DHX36: variants seen among roughly 807,000 people sequenced by gnomAD.
DHX36 encodes DEAH-box helicase 36.
Under a neutral mutation model 139.0 loss-of-function variants are expected in DHX36, and 50 were observed. That is an observed-to-expected ratio of 0.36 (90% CI 0.29 to 0.46). The LOEUF (loss-of-function observed/expected upper bound fraction) is 0.46. DHX36 is among the 20% of genes least tolerant of loss of function. DHX36 has a pLI of 1.00. For synonymous variants in DHX36, 425 were observed against 401.9 expected, an observed-to-expected ratio of 1.06 and a Z score of -0.69; for missense variants, 1,024 against 1,211.3, an observed-to-expected ratio of 0.85 and a Z score of 2.29.
chr3:154,306,184 C>T (rs1712494461), intron 6 of DHX36, 32 bp downstream of exon 6: 1 of 1,483,390 alleles, frequency 6.7e-7, no homozygotes, highest in East Asian at 2.3e-5. Flanking sequence ...TCACTAAAAT[C>T]TGCCTGTATA....
intron 5 of DHX36, 95 bp downstream of exon 5, chr3:154,309,558 C>A: frequency 9.0e-7 from 1 of 1,115,058 alleles, no homozygotes; most frequent in Non-Finnish European, 1.2e-6. Flanking sequence ...CAATCCTAAG[C>A]CTAATTAAGA....
chr3:154,323,747 T>C (rs1713288751), intron 1 of DHX36, among the ~76,000 whole-genome samples: 1 of 152,230 alleles, frequency 6.6e-6, no homozygotes, highest in Non-Finnish European at 1.5e-5. Flanking sequence ...CTGCCTGCTT[T>C]TGTTCCGCGC....
chr3:154,292,623 T>C lies in DHX36; in HGVS notation c.1742A>G (p.Asn581Ser). 3 of 1,614,052 alleles carry C rather than the reference T, an allele frequency of 1.9e-6. No homozygotes were observed. Among genetic ancestry groups the C allele is most frequent in the Non-Finnish European group, 2.5e-6 (3 of 1,179,998 alleles). Reference sequence around the variant, plus strand: ...CTCAGCGGACATTGTACTGATATTGTTCTGAGTATCAAAATGCGTCTCTTT... The same window carrying C: ...CTCAGCGGACATTGTACTGATATTGCTCTGAGTATCAAAATGCGTCTCTTT... ...KIKETHFDTQNNISTMSAEWV... is the reference protein window; with the variant it reads ...KIKETHFDTQSNISTMSAEWV... The change falls in exon 15 of 25, where the codon AAC becomes AGC. Residue 581 changes from asparagine to serine, a missense_variant. By Grantham distance (46) the Asn-to-Ser change is conservative. Around this residue, in one of 4 missense-constraint regions of DHX36, gnomAD observed 470 missense variants for 616.2 expected, o/e 0.76. Transcript: ENST00000496811.
chr3:154,296,282 G>A (rs1459962887), intron 12 of DHX36, among the ~76,000 whole-genome samples: 2 of 152,196 alleles, frequency 1.3e-5, no homozygotes, highest in African/African-American at 4.8e-5. Flanking sequence ...AGACCATCCT[G>A]GCTAACACGG....
At chr3:154,304,679 GA>G in intron 8 of DHX36, 126 bp downstream of exon 8, 2 of 719,600 alleles carry the variant, frequency 2.8e-6, no homozygotes, top group Non-Finnish European at 4.2e-6. Context: ...CTGGAGGGTA[GA>G]ATAATATTAA....
chr3:154,318,302 T>C (rs978998279), intron 1 of DHX36, among the ~76,000 whole-genome samples: 1 of 152,156 alleles, frequency 6.6e-6, no homozygotes, highest in Non-Finnish European at 1.5e-5. Context: ...AAAATGTCTC[T>C]ACTAAAAGTC....
intron 5 of DHX36, among the ~76,000 whole-genome samples, chr3:154,307,937 A>G (rs1028513740): frequency 1.1e-4 from 17 of 152,164 alleles, no homozygotes; most frequent in African/African-American, 4.1e-4. Flanking sequence ...ATGGAATACT[A>G]TTTAGCTGTA....
rs1178219699 is a variant in DHX36 at position 154,276,092 on chromosome 3, GT to G, written c.*78del. 1 of 1,438,324 alleles carries G rather than the reference GT, an allele frequency of 7.0e-7. No homozygotes were observed. The allele number at this position is 1,438,324 out of a possible 1,614,324, so 89.1% of individuals were successfully genotyped here. On this transcript the variant is annotated 3_prime_UTR_variant, in exon 25 of 25. Coordinates refer to ENST00000496811, the MANE Select transcript of DHX36 (RefSeq NM_020865.3). Reference sequence around the variant, plus strand: ...ACATGAAAATTGTTCATGTCCCAGGGTTTGGCATCCAGCCAAAATTTAAACA... The same window carrying G: ...ACATGAAAATTGTTCATGTCCCAGGGTTGGCATCCAGCCAAAATTTAAACA...
At position 154,289,697 on chromosome 3, in the gene DHX36, C is replaced by T. The variant is rs766963476; in HGVS notation, c.1932+12G>A. 1.7e-5 allele frequency: 25 copies of T among 1,453,050 alleles called. No individual in the cohort carries two copies. The highest frequency in any genetic ancestry group is 2.0e-4 in the Middle Eastern group (1 of 4,994). 90.0% of individuals were successfully genotyped at this position (1,453,050 alleles called of 1,614,324 possible). On this transcript the variant is annotated intron_variant, in intron 16 of 24. Coordinates refer to ENST00000496811, the MANE Select transcript of DHX36 (RefSeq NM_020865.3). ...CTTCCATTTAGTTTCTTCATTCTCCCACCTAATTTACCTTTATTTGTAAAC... is the reference window on the plus strand; with the variant it reads ...CTTCCATTTAGTTTCTTCATTCTCCTACCTAATTTACCTTTATTTGTAAAC...
At chr3:154,291,988 C>T (rs1043208046) in intron 15 of DHX36, among the ~76,000 whole-genome samples, 3 of 152,198 alleles carry the variant, frequency 2.0e-5, no homozygotes, top group Non-Finnish European at 2.9e-5. Flanking sequence ...TCATTGAAAA[C>T]TACTGGTGAA....
At chr3:154,294,926 T>A (rs1187258423) in intron 13 of DHX36, among the ~76,000 whole-genome samples, 1 of 152,218 alleles carries the variant, frequency 6.6e-6, no homozygotes, top group Non-Finnish European at 1.5e-5. Context: ...CAAATCATCA[T>A]CAAACTGTAG....
chr3:154,300,765 A>G, intron 10 of DHX36, 69 bp from the exon 11 acceptor site: 2 of 1,399,184 alleles, frequency 1.4e-6, no homozygotes, highest in South Asian at 2.4e-5. Context: ...ACAAAAGCTT[A>G]AAATTAACTC....
intron 1 of DHX36, among the ~76,000 whole-genome samples, chr3:154,316,987 T>C (rs192071713): frequency 5.9e-5 from 9 of 151,500 alleles, no homozygotes; most frequent in Admixed American, 5.9e-4. Flanking sequence ...AAAATTAGAG[T>C]GTGTTAGGTT....
At chr3:154,316,411 C>T (rs778781348) in intron 1 of DHX36, among the ~76,000 whole-genome samples, 1 of 151,978 alleles carries the variant, frequency 6.6e-6, no homozygotes, top group Non-Finnish European at 1.5e-5. Context: ...ATATGATTGG[C>T]AAAGAAAGCT....
At chr3:154,295,644 A>G (rs1162862009) in intron 12 of DHX36, among the ~76,000 whole-genome samples, 2 of 152,190 alleles carry the variant, frequency 1.3e-5, no homozygotes, top group Non-Finnish European at 2.9e-5. Context: ...TTTCATATTG[A>G]TAAGTATTTT....
At position 154,280,676 on chromosome 3, in the gene DHX36, G is replaced by A. The variant is rs112993756; in HGVS notation, c.2477-7C>T. ...TTAATTATCTTCTCATTATCTATGG[G>A]GGGTGAGAAGGTAGAGGGGAAAAGA... On this transcript the variant is annotated splice_region_variant and splice_polypyrimidine_tract_variant and intron_variant, in intron 21 of 24. Transcript: ENST00000496811. 2 of 1,609,692 alleles carry A rather than the reference G, an allele frequency of 1.2e-6. No individual in the cohort carries two copies. The highest frequency in any genetic ancestry group is 2.7e-5 in the African/African-American group (2 of 74,918).
chr3:154,313,433 A>C (rs1417013543), intron 3 of DHX36, among the ~76,000 whole-genome samples: 1 of 152,140 alleles, frequency 6.6e-6, no homozygotes, highest in Non-Finnish European at 1.5e-5. Context: ...TAATTACAGA[A>C]TTTGGGGAGG....
At chr3:154,315,000 G>A in intron 3 of DHX36, 46 bp downstream of exon 3, 2 of 1,343,496 alleles carry the variant, frequency 1.5e-6, no homozygotes, top group Non-Finnish European at 2.1e-6. Flanking sequence ...TTTTTATAAA[G>A]TGTAAGAAAA....
chr3:154,294,495 T>C (rs1023340346), intron 13 of DHX36, among the ~76,000 whole-genome samples: 2 of 152,176 alleles, frequency 1.3e-5, no homozygotes, highest in Non-Finnish European at 2.9e-5. Flanking sequence ...GAATACATAA[T>C]TTACTAGGTT....
Sources: allele counts gnomAD v4.1 joint callset (sites outside exome capture counted in the v4.1 genomes callset), GRCh38; gene constraint gnomAD v4.1.1; regional missense constraint gnomAD v4.1.1; transcripts MANE v1.5; gene names NCBI Gene and HGNC (gene_info 2026-07-23, HGNC 2026-07-21).